HK1: variants seen among roughly 807,000 people sequenced by gnomAD.
HK1 encodes the protein hexokinase-1.
A neutral mutation model predicts 91.6 loss-of-function variants in HK1; 28 were observed. The ratio of observed to expected loss-of-function variants is 0.31; its 90% CI spans 0.23 to 0.42. The LOEUF is 0.42. Among genes scored for constraint, HK1 ranks in the 10% least tolerant of loss-of-function variants. HK1 has a pLI of 1.00. For synonymous variants in HK1, 430 were observed against 468.1 expected, an observed-to-expected ratio of 0.92 and a Z score of 1.05; for missense variants, 770 against 1,219.8, an observed-to-expected ratio of 0.63 and a Z score of 5.49.
intron 1 of HK1, among the ~76,000 whole-genome samples, chr10:69,340,250 TA>T (rs1186915982): frequency 2.0e-5 from 3 of 152,150 alleles, no homozygotes; most frequent in Non-Finnish European, 4.4e-5. Context: ...AAATTAAAAT[TA>T]AAAAAAATTT....
chr10:69,300,161 A>G (rs1387332156), intron 4 of HK1, among the ~76,000 whole-genome samples: 1 of 151,554 alleles, frequency 6.6e-6, no homozygotes, highest in Non-Finnish European at 1.5e-5. Flanking sequence ...AAGATATAGA[A>G]CATTTTCATC....
chr10:69,320,371 TG>T (rs1240472246), intron 1 of HK1, among the ~76,000 whole-genome samples: 2 of 152,048 alleles, frequency 1.3e-5, no homozygotes, highest in Non-Finnish European at 2.9e-5. Context: ...GAGATAGGCT[TG>T]GGAATGCCAT....
At chr10:69,372,862 T>G (rs991026347) in intron 7 of HK1, among the ~76,000 whole-genome samples, 17 of 152,122 alleles carry the variant, frequency 1.1e-4, no homozygotes, top group African/African-American at 3.1e-4. Flanking sequence ...CCAGGGTTTT[T>G]TTTTTGTTGT....
chr10:69,295,570 T>C, intron 3 of HK1: 1 of 1,048,152 alleles, frequency 9.5e-7, no homozygotes, highest in Non-Finnish European at 1.5e-6. Flanking sequence ...AGCATCAATA[T>C]GTTGTGAATG....
chr10:69,282,678 G>T (rs1203766428), exon 2 of HK1: 5 of 152,154 alleles, frequency 3.3e-5, no homozygotes, highest in Non-Finnish European at 7.3e-5. Flanking sequence ...AAAAATGAGA[G>T]TGAGCCCAAA....
intron 1 of HK1, among the ~76,000 whole-genome samples, chr10:69,334,910 G>A (rs546967665): frequency 1.3e-5 from 2 of 152,244 alleles, no homozygotes; most frequent in South Asian, 2.1e-4. Flanking sequence ...ATCATGGCAT[G>A]TGCTCCTGAG....
At chr10:69,329,546 G>A (rs1310302089) in intron 1 of HK1, among the ~76,000 whole-genome samples, 2 of 152,156 alleles carry the variant, frequency 1.3e-5, no homozygotes, top group Non-Finnish European at 2.9e-5. Context: ...AAGGAGGAAG[G>A]CATCAACTCC....
chr10:69,388,221 C>T (rs1839736965), intron 13 of HK1, among the ~76,000 whole-genome samples: 1 of 152,180 alleles, frequency 6.6e-6, no homozygotes, highest in African/African-American at 2.4e-5. Context: ...AGGAGGAACG[C>T]TTGAGCCCAG....
chr10:69,286,799 C>T (rs968024050), intron 2 of HK1, among the ~76,000 whole-genome samples: 9 of 152,080 alleles, frequency 5.9e-5, no homozygotes, highest in African/African-American at 1.9e-4. Context: ...CCACCCACCT[C>T]GGCCTCCCAA....
chr10:69,394,851 T>C (rs533413481), intron 15 of HK1, 99 bp from the exon 16 acceptor site: 1 of 1,212,572 alleles, frequency 8.2e-7, no homozygotes, highest in Admixed American at 1.7e-5. Context: ...ATGATGCGCT[T>C]GAGGGGCAGT....
At chr10:69,283,126 A>G (rs1388326958) in intron 2 of HK1, among the ~76,000 whole-genome samples, 10 of 33,440 alleles carry the variant, frequency 3.0e-4, no homozygotes, top group Non-Finnish European at 8.7e-4. Context: ...CTCAGTTTCA[A>G]AAAAAAAAAA....
At chr10:69,308,289 A>G (rs536493901) in intron 5 of HK1, among the ~76,000 whole-genome samples, 1 of 152,148 alleles carries the variant, frequency 6.6e-6, no homozygotes, top group Non-Finnish European at 1.5e-5. Flanking sequence ...GCAGCAGGAC[A>G]AGCTGCAGAC....
rs1459502527 is a variant in HK1 at position 69,276,142 on chromosome 10, CAT to C, written c.-391+6043_-391+6044del. Among the ~76,000 whole-genome samples the C allele has an allele frequency of 1.7e-3, 150 of 88,842 alleles. 7 individuals carry two copies. The highest frequency in any genetic ancestry group is 0.016 in the South Asian group (36 of 2,186). The allele number at this position is 88,842 out of a possible 152,430, so 58.3% of individuals were successfully genotyped here. ...AAATACATATATATATATATATACA[CAT>C]ATATATATTCTATATTAAATAAGTA... On this transcript the variant is annotated intron_variant, in intron 1 of 21. Coordinates refer to the HK1 transcript ENST00000360289.
intron 2 of HK1, among the ~76,000 whole-genome samples, chr10:69,283,712 C>T (rs1241940387): frequency 1.4e-5 from 2 of 138,244 alleles, no homozygotes; most frequent in South Asian, 2.4e-4. Flanking sequence ...ACACAGGAGG[C>T]GGAGGCTGCA....
chr10:69,315,885 T>G, upstream of HK1: 1 of 1,495,272 alleles, frequency 6.7e-7, no homozygotes, highest in Non-Finnish European at 9.3e-7. Context: ...AACCTGACAC[T>G]GGGCAAGATG....
At chr10:69,335,902 T>C (rs1465544189) in intron 1 of HK1, among the ~76,000 whole-genome samples, 1 of 152,032 alleles carries the variant, frequency 6.6e-6, no homozygotes, top group East Asian at 1.9e-4. Context: ...CTAGTTTGAG[T>C]CTTAGAGAGT....
At chr10:69,307,865 G>A (rs1226806901) in intron 5 of HK1, among the ~76,000 whole-genome samples, 5 of 151,814 alleles carry the variant, frequency 3.3e-5, no homozygotes, top group Non-Finnish European at 7.4e-5. Context: ...TTGAGATGGA[G>A]TCTCACTCTG....
At chr10:69,342,395 G>A (rs1337780459) in intron 1 of HK1, among the ~76,000 whole-genome samples, 1 of 152,198 alleles carries the variant, frequency 6.6e-6, no homozygotes, top group Non-Finnish European at 1.5e-5. Flanking sequence ...CAGCCTGAAG[G>A]ACTTGGACAT....
chr10:69,320,030 T>G (rs1291704339), intron 1 of HK1, among the ~76,000 whole-genome samples: 1 of 151,990 alleles, frequency 6.6e-6, no homozygotes, highest in Non-Finnish European at 1.5e-5. Context: ...GTTCTACAGG[T>G]GAAAGGCAGG....
Sources: allele counts gnomAD v4.1 joint callset (sites outside exome capture counted in the v4.1 genomes callset), GRCh38; gene constraint gnomAD v4.1.1; transcripts MANE v1.5; gene names NCBI Gene and HGNC (gene_info 2026-07-23, HGNC 2026-07-21).